The following ANXA2 variants were observed in gnomAD, a reference collection of about 807,000 sequenced individuals.
ANXA2 encodes the protein annexin A2, also known as annexin II.
A neutral mutation model predicts 47.3 loss-of-function variants in ANXA2; 28 were observed. The observed-to-expected ratio is 0.59, with a 90% confidence interval of 0.44 to 0.81. ANXA2 has a LOEUF of 0.81. Among genes scored for constraint, ANXA2 ranks in the 40% least tolerant of loss-of-function variants. ANXA2 has a pLI of 0.00. For synonymous variants in ANXA2, 172 were observed against 155.5 expected, an observed-to-expected ratio of 1.11 and a Z score of -0.79; for missense variants, 384 against 414.3, an observed-to-expected ratio of 0.93 and a Z score of 0.64.
chr15:60,397,860 C>T (rs574116184), intron 1 of ANXA2, 83 bp downstream of exon 1: 7 of 1,386,962 alleles, frequency 5.0e-6, no homozygotes, highest in African/African-American at 4.5e-5. Flanking sequence ...GGCCTCCCTG[C>T]CAGGCCGTAC....
At chr15:60,391,896 A>G (rs2140938082) in intron 1 of ANXA2, among the ~76,000 whole-genome samples, 1 of 52,726 alleles carries the variant, frequency 1.9e-5, no homozygotes, top group South Asian at 1.9e-3. Context: ...CTCTCCAACA[A>G]GAAAAAAAAA....
chr15:60,394,976 G>C (rs1322419887), intron 1 of ANXA2, among the ~76,000 whole-genome samples: 4 of 151,294 alleles, frequency 2.6e-5, no homozygotes, highest in Admixed American at 2.0e-4. Flanking sequence ...CAGGGCAAGT[G>C]AAGAGGATTC....
At chr15:60,374,983 G>T (rs1466269128) in intron 3 of ANXA2, among the ~76,000 whole-genome samples, 1 of 152,142 alleles carries the variant, frequency 6.6e-6, no homozygotes, top group Non-Finnish European at 1.5e-5. Flanking sequence ...GAGGAGAGAG[G>T]CTACTTTTCC....
rs1566931008 is a variant in ANXA2 at position 60,354,174 on chromosome 15, G to A, written c.568C>T (p.Leu190=). 6.2e-7 allele frequency: 1 copy of A among 1,613,872 alleles called. No homozygotes were observed. The highest frequency in any genetic ancestry group is 8.5e-7 in the Non-Finnish European group (1 of 1,179,862). ...AEDGSVIDYE[L]IDQDARDLYD... is the part of the protein sequence containing the mutation. ...CTTACCCGAGCATCTTGGTCAATCA[G>A]TTCATAATCAATGACAGAGCCATCC... The change falls in exon 8 of 13, where the codon CTG becomes TTG. Residue 190 remains leucine (L), a synonymous_variant. Transcript: ENST00000451270.
chr15:60,380,144 G>A (rs550711887), intron 3 of ANXA2, among the ~76,000 whole-genome samples: 2 of 152,324 alleles, frequency 1.3e-5, no homozygotes, highest in East Asian at 3.9e-4. Flanking sequence ...GCATGTGTGT[G>A]TGCATGTGCT....
At chr15:60,393,132 G>A (rs754499809) in intron 1 of ANXA2, 88 of 1,282,370 alleles carry the variant, frequency 6.9e-5, no homozygotes, top group Admixed American at 1.6e-4. Flanking sequence ...CCTGGAATTC[G>A]GCCCAGTGAC....
intron 3 of ANXA2, among the ~76,000 whole-genome samples, chr15:60,372,102 T>C (rs989087414): frequency 5.3e-5 from 8 of 152,160 alleles, no homozygotes; most frequent in African/African-American, 1.7e-4. Context: ...TGAGCCAAGA[T>C]TGAGCCATTG....
At chr15:60,390,198 C>T in intron 1 of ANXA2, 1 of 875,266 alleles carries the variant, frequency 1.1e-6, no homozygotes, top group Non-Finnish European at 1.4e-6. Flanking sequence ...ACAATAACCA[C>T]AAAGTCACAC....
chr15:60,363,219 C>G (rs11631850), intron 4 of ANXA2, among the ~76,000 whole-genome samples: 120,126 of 151,984 alleles, frequency 0.79, 47,888 homozygotes, highest in African/African-American at 0.87. Context: ...TGGGAAGCTG[C>G]AGAAATAAAA....
intron 5 of ANXA2, among the ~76,000 whole-genome samples, chr15:60,359,799 C>G (rs2062485360): frequency 6.6e-6 from 1 of 152,132 alleles, no homozygotes; most frequent in African/African-American, 2.4e-5. Flanking sequence ...AATAAAAAAT[C>G]AAGACCAATG....
chr15:60,380,185 T>G (rs1167368033), intron 3 of ANXA2, among the ~76,000 whole-genome samples: 1 of 152,168 alleles, frequency 6.6e-6, no homozygotes, highest in Non-Finnish European at 1.5e-5. Flanking sequence ...GGTAACATAT[T>G]TTGAGTACCA....
intron 6 of ANXA2, 30 bp downstream of exon 6, chr15:60,357,116 A>G (rs1020794563): frequency 6.2e-7 from 1 of 1,600,046 alleles, no homozygotes; most frequent in African/African-American, 1.3e-5. Flanking sequence ...TTGGGCTGAG[A>G]GGATGAATCA....
At chr15:60,364,147 C>T (rs1032005876) in intron 4 of ANXA2, among the ~76,000 whole-genome samples, 1 of 152,212 alleles carries the variant, frequency 6.6e-6, no homozygotes, top group South Asian at 2.1e-4. Flanking sequence ...GAGATTCTCA[C>T]AGAAGCGCGA....
intron 2 of ANXA2, among the ~76,000 whole-genome samples, chr15:60,385,079 A>C: frequency 6.6e-6 from 1 of 152,262 alleles, no homozygotes; most frequent in East Asian, 1.9e-4. Flanking sequence ...TAAAAAAAAG[A>C]AACAAATGCA....
chr15:60,380,553 C>T (rs2062842756), intron 3 of ANXA2, among the ~76,000 whole-genome samples: 2 of 151,312 alleles, frequency 1.3e-5, no homozygotes. Flanking sequence ...CCTGTACTCC[C>T]AGCACTTTGG....
Position 60,357,325 on chromosome 15 carries a change from A to G in ANXA2, c.358-89T>C, listed in dbSNP as rs539565606. ...GATCTCCATCAAGTAAATTGCAAACATGGATTGGGTCTGTTAGCATCCTGC... is the reference window on the plus strand; with the variant it reads ...GATCTCCATCAAGTAAATTGCAAACGTGGATTGGGTCTGTTAGCATCCTGC... On this transcript the variant is annotated intron_variant, in intron 5 of 12. Transcript: ENST00000451270. The G allele has an allele frequency of 6.5e-5, 70 of 1,077,220 alleles. No individual in the cohort carries two copies. In the Admixed American group the frequency reaches 1.2e-3, roughly 18 times the overall value. 66.7% of individuals were successfully genotyped at this position (1,077,220 alleles called of 1,614,324 possible).
chr15:60,393,202 C>A (rs2063037190), intron 1 of ANXA2: 11 of 1,169,390 alleles, frequency 9.4e-6, no homozygotes, highest in Non-Finnish European at 1.2e-5. Flanking sequence ...TCTTCTGTGG[C>A]CTGATCTGAA....
At chr15:60,397,833 C>G in intron 1 of ANXA2, 110 bp downstream of exon 1, 1 of 1,379,900 alleles carries the variant, frequency 7.2e-7, no homozygotes. Flanking sequence ...CCGACGGCCT[C>G]CGGGGCCAGT....
intron 3 of ANXA2, 52 bp from the exon 4 acceptor site, chr15:60,364,575 G>A (rs1328941572): frequency 2.1e-6 from 3 of 1,450,664 alleles, no homozygotes; most frequent in Non-Finnish European, 2.8e-6. Flanking sequence ...AGTATTTTGG[G>A]CTTACATAGA....
Sources: gnomAD v4.1 joint callset for allele counts (sites outside exome capture counted in the v4.1 genomes callset) on GRCh38, gnomAD v4.1.1 for gene constraint, MANE v1.5 for transcripts, NCBI Gene and HGNC (gene_info 2026-07-23, HGNC 2026-07-21) for gene names.